The following CYP2R1 variants were observed in gnomAD, a reference collection of about 807,000 sequenced individuals.
The protein encoded by CYP2R1 is vitamin D 25-hydroxylase.
Under a neutral mutation model 45.7 loss-of-function variants are expected in CYP2R1, and 40 were observed. That is an observed-to-expected ratio of 0.87 (90% CI 0.68 to 1.14). CYP2R1 has a LOEUF of 1.14. CYP2R1 is among the 50% of genes most tolerant of loss of function. The pLI, the probability that CYP2R1 is intolerant of heterozygous loss-of-function variation, is 0.00. For missense variants in CYP2R1, 605 were observed against 602.6 expected, an observed-to-expected ratio of 1.00 and a Z score of -0.04; for synonymous variants, 234 against 219.3, an observed-to-expected ratio of 1.07 and a Z score of -0.59.
Position 14,891,541 on chromosome 11 carries a change from C to A in CYP2R1, c.225+440G>T, listed in dbSNP as rs936429959. ...AGACACCGAAGAACCTGCTATTAAC[C>A]ATCTAGAACTCAGAACGCCTTGATT... is the stretch of plus-strand genomic sequence containing the variant. On this transcript the variant is annotated intron_variant, in intron 1 of 4. Coordinates refer to ENST00000334636, the MANE Select transcript of CYP2R1 (RefSeq NM_024514.5). The A allele has an allele frequency of 3.0e-6, 3 of 1,009,424 alleles. No homozygotes were observed. The African/African-American group carries it at 5.2e-5, about 18-fold the overall frequency. The allele number at this position is 1,009,424 out of a possible 1,614,324, so 62.5% of individuals were successfully genotyped here. A position where few individuals can be genotyped will look rare whatever the true frequency, so the allele number is the denominator to read the frequency against.
At chr11:14,888,623 C>T (rs1848708439) in intron 1 of CYP2R1, among the ~76,000 whole-genome samples, 1 of 152,136 alleles carries the variant, frequency 6.6e-6, no homozygotes, top group Non-Finnish European at 1.5e-5. Context: ...AGCTTAGAAG[C>T]TCCCATGGCA....
chr11:14,881,828 A>G (rs1234070711), intron 2 of CYP2R1, among the ~76,000 whole-genome samples: 2 of 151,724 alleles, frequency 1.3e-5, no homozygotes, highest in East Asian at 1.9e-4. Flanking sequence ...TGCTTCCTAT[A>G]AAGTGTGCAG....
Position 14,885,759 on chromosome 11 carries a change from G to A in CYP2R1, c.367+17C>T. On this transcript the variant is annotated intron_variant, in intron 2 of 4. Transcript: ENST00000334636. ...AAATATCTTAGTAAATCACTAAATA[G>A]GTGCAAATAAACATACCTCCCATTT... 1 of 1,610,528 alleles carries A rather than the reference G, an allele frequency of 6.2e-7. No homozygotes were observed. Among genetic ancestry groups the A allele is most frequent in the Non-Finnish European group, 8.5e-7 (1 of 1,178,618 alleles).
In CYP2R1 at chr11:14,892,008, C is replaced by A. The variant is rs1555017237; in HGVS notation, c.198G>T (p.Met66Ile). The A allele has an allele frequency of 1.2e-6, 2 of 1,613,368 alleles. No homozygotes were observed. The highest frequency in any genetic ancestry group is 1.7e-5 in the Admixed American group (1 of 60,000). Residue 66 changes from methionine (M) to isoleucine (I), a missense_variant, in exon 1 of 5, where the codon ATG becomes ATT. Physicochemically the swap from Met to Ile is conservative, Grantham distance 10. Coordinates refer to ENST00000334636, the MANE Select transcript of CYP2R1 (RefSeq NM_024514.5). ...CTCCGTACACCTGGCTCTGCTTTCT[C>A]ATGTAGACATGGGGAAGCTCGGATG... ...AASSELPHVY[M>I]RKQSQVYGEI...
At chr11:14,887,241 G>A (rs1223372646) in intron 1 of CYP2R1, 1 of 152,194 alleles carries the variant, frequency 6.6e-6, no homozygotes, top group Non-Finnish European at 1.5e-5. Context: ...CAGAACAGAG[G>A]GCAAATGTAT....
chr11:14,882,474 TATAC>T (rs1375232341), intron 2 of CYP2R1, among the ~76,000 whole-genome samples: 1 of 152,044 alleles, frequency 6.6e-6, no homozygotes, highest in Non-Finnish European at 1.5e-5. Context: ...ACATGGGATA[TATAC>T]ACAAGAAGGT....
intron 1 of CYP2R1, among the ~76,000 whole-genome samples, chr11:14,889,839 A>G (rs1848761568): frequency 6.6e-6 from 1 of 152,154 alleles, no homozygotes; most frequent in Admixed American, 6.5e-5. Context: ...ATAGAAACTA[A>G]TAACATAGGC....
chr11:14,885,909 A>G lies in CYP2R1; in HGVS notation c.234T>C (p.Ser78=). Residue 78 remains serine (S), a synonymous_variant, in exon 2 of 5, where the codon AGT becomes AGC. Transcript: ENST00000334636. ...KQSQVYGEIF[S]LDLGGISTVV... ...CAGTTGATATGCCTCCAAGATCTAA[A>G]CTGAAGATCTTTGAGAAGAGAAGAA... 6.2e-7 allele frequency: 1 copy of G among 1,613,460 alleles called. No individual in the cohort carries two copies.
chr11:14,891,756 C>T, intron 1 of CYP2R1: 6 of 1,373,736 alleles, frequency 4.4e-6, no homozygotes, highest in East Asian at 2.9e-5. Flanking sequence ...AGCCTCGGCC[C>T]GGAGTGGGTC....
chr11:14,886,813 CACT>C (rs1292267971), intron 1 of CYP2R1: 8 of 152,290 alleles, frequency 5.3e-5, no homozygotes, highest in Admixed American at 1.3e-4. Context: ...CCATGGTACA[CACT>C]ACTTCAGAAG....
Position 14,880,773 on chromosome 11 carries a change from A to C in CYP2R1, c.368-5T>G. On this transcript the variant is annotated splice_region_variant and splice_polypyrimidine_tract_variant and intron_variant, in intron 2 of 4. Transcript: ENST00000334636. ...CATATCTGGAATTGAGTAAGCCTGA[A>C]AAAAAATATTAAAATATTGTATAAT... is the stretch of plus-strand genomic sequence containing the variant. 1 of 1,604,332 alleles carries C rather than the reference A, an allele frequency of 6.2e-7. No individual in the cohort carries two copies. The highest frequency in any genetic ancestry group is 8.5e-7 in the Non-Finnish European group (1 of 1,176,856).
At chr11:14,880,079 AC>A in intron 3 of CYP2R1, 56 bp downstream of exon 3, 1 of 1,586,086 alleles carries the variant, frequency 6.3e-7, no homozygotes, top group Non-Finnish European at 8.6e-7. Context: ...AGACTCAAAA[AC>A]ATGTATGAAC....
intron 2 of CYP2R1, among the ~76,000 whole-genome samples, chr11:14,881,641 T>G (rs1555012349): frequency 6.6e-6 from 1 of 152,080 alleles, no homozygotes; most frequent in Non-Finnish European, 1.5e-5. Context: ...TGGTGATAAG[T>G]GAGTTCTCGC....
Position 14,880,547 on chromosome 11 carries a change from C to T in CYP2R1, c.589G>A (p.Gly197Arg). 1 of 1,613,374 alleles carries T rather than the reference C, an allele frequency of 6.2e-7. No individual in the cohort carries two copies. Among genetic ancestry groups the T allele is most frequent in the African/African-American group, 1.3e-5 (1 of 74,962 alleles). Residue 197 changes from glycine to arginine, a missense_variant, in exon 3 of 5, where the codon GGA becomes AGA. Gly to Arg is a moderately radical substitution (Grantham distance 125). Coordinates refer to ENST00000334636, the MANE Select transcript of CYP2R1 (RefSeq NM_024514.5). The part of the protein sequence containing the change: ...VSNITNLIIF[G>R]ERFTYEDTDF... ...GTGTCTTCATAAGTGAATCGTTCTC[C>T]AAAAATGATCAGATTGGTTATGTTT...
chr11:14,885,055 C>T (rs1262912222), intron 2 of CYP2R1, among the ~76,000 whole-genome samples: 1 of 152,088 alleles, frequency 6.6e-6, no homozygotes, highest in East Asian at 1.9e-4. Context: ...CCTTTTCAAC[C>T]AATGTCTTTA....
rs1555014199 is a variant in CYP2R1, at chr11:14,885,756, A to T, written c.367+20T>A. On this transcript the variant is annotated intron_variant, in intron 2 of 4. Coordinates refer to ENST00000334636, the MANE Select transcript of CYP2R1 (RefSeq NM_024514.5). ...TTAAAATATCTTAGTAAATCACTAA[A>T]TAGGTGCAAATAAACATACCTCCCA... is the stretch of plus-strand genomic sequence containing the variant. The T allele has an allele frequency of 1.2e-6, 2 of 1,610,354 alleles. No individual in the cohort carries two copies. Among genetic ancestry groups the T allele is most frequent in the Non-Finnish European group, 1.7e-6 (2 of 1,178,362 alleles).
intron 1 of CYP2R1, chr11:14,891,739 G>A (rs978990992): frequency 1.4e-5 from 18 of 1,331,742 alleles, no homozygotes; most frequent in Non-Finnish European, 1.5e-5. Context: ...GGACTGGATC[G>A]CCTCGGAGCC....
At chr11:14,885,503 T>C (rs1848579796) in intron 2 of CYP2R1, among the ~76,000 whole-genome samples, 1 of 152,194 alleles carries the variant, frequency 6.6e-6, no homozygotes, top group African/African-American at 2.4e-5. Context: ...TCCTAACTTG[T>C]TTCACAAAAC....
chr11:14,880,105 T>G (rs548121475), intron 3 of CYP2R1, 31 bp downstream of exon 3: 13 of 1,610,842 alleles, frequency 8.1e-6, no homozygotes, highest in Admixed American at 5.0e-5. Context: ...CATGTAAGGA[T>G]AGACCCTGAG....
Sources: allele counts gnomAD v4.1 joint callset (sites outside exome capture counted in the v4.1 genomes callset), GRCh38; gene constraint gnomAD v4.1.1; transcripts MANE v1.5; gene names NCBI Gene and HGNC (gene_info 2026-07-23, HGNC 2026-07-21).